IL1RL1: variants seen among roughly 807,000 people sequenced by gnomAD.
IL1RL1 encodes the protein interleukin 1 receptor like 1, also known as interleukin-1 receptor-like 1.
IL1RL1 carries 32 observed loss-of-function variants against 50.9 expected under a neutral mutation model. The observed-to-expected ratio is 0.63, with a 90% CI of 0.47 to 0.84. The LOEUF (loss-of-function observed/expected upper bound fraction) is 0.84, where lower values mean the gene tolerates loss of function less well. Ranked by LOEUF, IL1RL1 falls within the 40% of genes least tolerant of loss-of-function variation. IL1RL1 has a pLI of 0.00. For synonymous variants in IL1RL1, 275 were observed against 236.0 expected, an observed-to-expected ratio of 1.17 and a Z score of -1.51; for missense variants, 773 against 662.9, an observed-to-expected ratio of 1.17 and a Z score of -1.82.
At chr2:102,331,782 C>A (rs1006534057) in intron 1 of IL1RL1, among the ~76,000 whole-genome samples, 2 of 152,136 alleles carry the variant, frequency 1.3e-5, no homozygotes, top group Non-Finnish European at 2.9e-5. Flanking sequence ...ATAAATATTT[C>A]TGAGGCTGGG....
chr2:102,315,327 T>G (rs1176361447), intron 1 of IL1RL1, among the ~76,000 whole-genome samples: 1 of 152,192 alleles, frequency 6.6e-6, no homozygotes, highest in Non-Finnish European at 1.5e-5. Context: ...CTCTAATTCC[T>G]CTTCACTCTG....
At position 102,351,621 on chromosome 2, in the gene IL1RL1, G is replaced by C. The variant is rs759177271; in HGVS notation, c.1371G>C (p.Glu457Asp). The change falls in exon 11 of 11, where the codon GAG becomes GAC. Residue 457 changes from glutamate (E) to aspartate (D), a missense_variant. Transcript: ENST00000233954. ...CCCCTCAGATCACTCACAATAAGGA[G>C]TTTGCCTACGAGCAGGAGGTTGCCC... ...ILTPQITHNK[E>D]FAYEQEVALH... The C allele has an allele frequency of 3.7e-6, 6 of 1,614,158 alleles. No homozygotes were observed. Among genetic ancestry groups the C allele is most frequent in the Non-Finnish European group, 5.1e-6 (6 of 1,180,010 alleles).
chr2:102,348,144 G>C, intron 9 of IL1RL1, 53 bp downstream of exon 9: 1 of 1,419,538 alleles, frequency 7.0e-7, no homozygotes. Context: ...CATAATAACT[G>C]TTGGTTACCT....
rs910886841 is a variant in IL1RL1, at chr2:102,338,125, A to T, written c.-140A>T. 1 of 514,908 alleles carries T rather than the reference A, an allele frequency of 1.9e-6. No homozygotes were observed. The highest frequency in any genetic ancestry group is 3.6e-6 in the Non-Finnish European group (1 of 281,574). 31.9% of individuals were successfully genotyped at this position (514,908 alleles called of 1,614,324 possible). A position where few individuals can be genotyped will look rare whatever the true frequency, so the allele number is the denominator to read the frequency against. On this transcript the variant is annotated 5_prime_UTR_variant, in exon 2 of 11. Transcript: ENST00000233954. The stretch of plus-strand genomic sequence containing the variant: ...CTAACTTATTTTTCAGTTGAGATAT[A>T]GGCTACTCTTCCCAACTCAGTCTTG...
At chr2:102,326,827 A>G (rs1362770187) in intron 1 of IL1RL1, among the ~76,000 whole-genome samples, 1 of 152,214 alleles carries the variant, frequency 6.6e-6, no homozygotes, top group Non-Finnish European at 1.5e-5. Flanking sequence ...ATATGCACCC[A>G]ATACAGGAGC....
intron 1 of IL1RL1, among the ~76,000 whole-genome samples, chr2:102,329,136 C>CA (rs1335195337): frequency 6.6e-6 from 1 of 152,172 alleles, no homozygotes; most frequent in East Asian, 1.9e-4. Flanking sequence ...TGTACCAAAA[C>CA]AGAGATATAG....
intron 10 of IL1RL1, among the ~76,000 whole-genome samples, chr2:102,350,265 G>A (rs1677891451): frequency 6.6e-6 from 1 of 152,204 alleles, no homozygotes; most frequent in East Asian, 1.9e-4. Flanking sequence ...CCTGTTGTTT[G>A]TGAGCTCAAC....
At chr2:102,340,373 G>A (rs1445126314) in intron 4 of IL1RL1, 101 bp downstream of exon 4, 1 of 1,027,278 alleles carries the variant, frequency 9.7e-7, no homozygotes, top group Non-Finnish European at 1.4e-6. Context: ...AGCACTTTGG[G>A]AGGCCAAGGC....
At position 102,342,308 on chromosome 2, in the gene IL1RL1, T is replaced by A. The variant is rs1453105542; in HGVS notation, c.682+14T>A. On this transcript the variant is annotated intron_variant, in intron 6 of 10. Coordinates refer to ENST00000233954, the MANE Select transcript of IL1RL1 (RefSeq NM_016232.5). ...AAGTGGAAATTGGTAAGAAAATTTA[T>A]CAGAATGCTGTAAATATTGCCTGGA... is the stretch of plus-strand genomic sequence containing the variant. 6.4e-7 allele frequency: 1 copy of A among 1,564,464 alleles called. No individual in the cohort carries two copies. The highest frequency in any genetic ancestry group is 1.7e-4 in the Middle Eastern group (1 of 5,978).
chr2:102,311,859 T>TATAATATATAA (rs1470131200), intron 1 of IL1RL1, among the ~76,000 whole-genome samples: 1 of 45,544 alleles, frequency 2.2e-5, no homozygotes, highest in Non-Finnish European at 4.4e-5. Flanking sequence ...TATAATATAA[T>TATAATATATAA]TATATAATAT....
At chr2:102,338,811 A>G in intron 2 of IL1RL1, 26 bp from the exon 3 acceptor site, 2 of 1,500,616 alleles carry the variant, frequency 1.3e-6, no homozygotes, top group African/African-American at 1.4e-5. Flanking sequence ...TCATTTCAGG[A>G]TTGTCTTTAT....
intron 1 of IL1RL1, among the ~76,000 whole-genome samples, chr2:102,316,890 T>A (rs1676689706): frequency 6.6e-6 from 1 of 152,178 alleles, no homozygotes; most frequent in Non-Finnish European, 1.5e-5. Flanking sequence ...TCCTGTACAA[T>A]GATGGATCAA....
intron 1 of IL1RL1, among the ~76,000 whole-genome samples, chr2:102,330,979 A>C (rs1245386937): frequency 1.3e-5 from 2 of 152,192 alleles, no homozygotes; most frequent in Non-Finnish European, 2.9e-5. Flanking sequence ...CAATTTTTCT[A>C]TCATTATGTG....
intron 1 of IL1RL1, among the ~76,000 whole-genome samples, chr2:102,323,221 G>A (rs1423714382): frequency 7.0e-6 from 1 of 143,112 alleles, no homozygotes; most frequent in African/African-American, 2.7e-5. Context: ...CCATACAGTA[G>A]ATGTTCTTTA....
chr2:102,331,050 T>C (rs572321770), intron 1 of IL1RL1, among the ~76,000 whole-genome samples: 8 of 152,366 alleles, frequency 5.3e-5, no homozygotes, highest in Admixed American at 2.6e-4. Context: ...ATCAATTTAC[T>C]ATATATTTTT....
intron 1 of IL1RL1, among the ~76,000 whole-genome samples, chr2:102,331,444 A>G (rs1026762144): frequency 1.3e-5 from 2 of 152,236 alleles, no homozygotes; most frequent in Admixed American, 6.5e-5. Context: ...ATGATGATTT[A>G]GTCATTTCAC....
chr2:102,331,438 T>C (rs1190521351), intron 1 of IL1RL1, among the ~76,000 whole-genome samples: 6 of 152,240 alleles, frequency 3.9e-5, no homozygotes, highest in Admixed American at 1.3e-4. Flanking sequence ...ATCTTAATGA[T>C]GATTTAGTCA....
At chr2:102,339,365 A>C in intron 3 of IL1RL1, 1 of 234,764 alleles carries the variant, frequency 4.3e-6, no homozygotes. Context: ...ACAAACTAGC[A>C]CAGAAAATAG....
intron 10 of IL1RL1, among the ~76,000 whole-genome samples, chr2:102,351,142 G>A (rs866933380): frequency 2.0e-5 from 3 of 152,222 alleles, no homozygotes; most frequent in South Asian, 2.1e-4. Flanking sequence ...TAATATGTGA[G>A]TTAAAATTTT....
Sources: gnomAD v4.1 joint callset for allele counts (sites outside exome capture counted in the v4.1 genomes callset) on GRCh38, gnomAD v4.1.1 for gene constraint, MANE v1.5 for transcripts, NCBI Gene and HGNC (gene_info 2026-07-23, HGNC 2026-07-21) for gene names.